The following TFEC variants were observed in gnomAD, a reference collection of about 807,000 sequenced individuals.
TFEC encodes transcription factor EC, also known as class E basic helix-loop-helix protein 34.
In TFEC, 31 loss-of-function variants were observed where a neutral mutation model predicts 41.6. That is an observed-to-expected ratio of 0.74 (90% confidence interval 0.56 to 1.01). The LOEUF is 1.01. Ranked by LOEUF, TFEC falls within the 50% of genes least tolerant of loss-of-function variation. The pLI, the probability that TFEC is intolerant of heterozygous loss-of-function variation, is 0.00. For synonymous variants in TFEC, 143 were observed against 140.6 expected, an observed-to-expected ratio of 1.02 and a Z score of -0.12; for missense variants, 402 against 404.1, an observed-to-expected ratio of 0.99 and a Z score of 0.04.
chr7:115,983,436 G>T (rs746259172), intron 2 of TFEC, among the ~76,000 whole-genome samples: 1 of 151,946 alleles, frequency 6.6e-6, no homozygotes, highest in Non-Finnish European at 1.5e-5. Flanking sequence ...GGTAAGCATT[G>T]ACCTGAAATC....
chr7:116,083,813 G>T (rs1797143923), intron 3 of TFEC, among the ~76,000 whole-genome samples: 1 of 151,802 alleles, frequency 6.6e-6, no homozygotes, highest in African/African-American at 2.4e-5. Context: ...TCAAAGAGTG[G>T]TTACCAACTA....
At chr7:115,994,501 A>T (rs988104243) in intron 1 of TFEC, among the ~76,000 whole-genome samples, 1 of 152,194 alleles carries the variant, frequency 6.6e-6, no homozygotes, top group South Asian at 2.1e-4. Flanking sequence ...AACTCACACA[A>T]ATTTACAAGA....
rs111618600 is a variant in TFEC at position 115,996,578 on chromosome 7, G to A, written c.-72-12065C>T. On this transcript the variant is annotated intron_variant, in intron 1 of 7. Transcript: ENST00000265440. ...GGAAGAGTAAAGAAGACTTTGTCTT[G>A]CATCTTAAGTAAAAGCTAGCCACAC... Among the ~76,000 whole-genome samples the A allele has an allele frequency of 4.3e-3, 648 of 152,040 alleles. 3 individuals are homozygous for A. Among genetic ancestry groups the A allele is most frequent in the Non-Finnish European group, 6.1e-3 (416 of 67,998 alleles).
intron 3 of TFEC, among the ~76,000 whole-genome samples, chr7:116,043,980 T>A (rs937565734): frequency 1.3e-5 from 2 of 152,158 alleles, no homozygotes; most frequent in African/African-American, 4.8e-5. Flanking sequence ...GCCTCTAGGA[T>A]TCAATTTATG....
At chr7:116,112,641 T>C (rs998580722) in intron 1 of TFEC, among the ~76,000 whole-genome samples, 27 of 151,988 alleles carry the variant, frequency 1.8e-4, no homozygotes, top group African/African-American at 5.6e-4. Context: ...TAATGTTTTC[T>C]ATGACAAACT....
At chr7:116,074,970 A>G (rs1796921713) in intron 3 of TFEC, among the ~76,000 whole-genome samples, 1 of 152,182 alleles carries the variant, frequency 6.6e-6, no homozygotes, top group Non-Finnish European at 1.5e-5. Context: ...GATACATGAC[A>G]TCCTATGGCT....
chr7:116,098,965 CAA>C (rs1797540476), intron 3 of TFEC, among the ~76,000 whole-genome samples: 1 of 151,754 alleles, frequency 6.6e-6, no homozygotes, highest in Non-Finnish European at 1.5e-5. Flanking sequence ...GATTTAGAAG[CAA>C]AAGTCTTCAG....
At chr7:116,140,193 T>C (rs546706567) in intron 1 of TFEC, among the ~76,000 whole-genome samples, 46 of 152,326 alleles carry the variant, frequency 3.0e-4, no homozygotes, top group African/African-American at 1.1e-3. Context: ...AGGATTGACT[T>C]TTGGAATCTA....
chr7:116,071,673 A>G (rs1368681544), intron 3 of TFEC, among the ~76,000 whole-genome samples: 1 of 151,378 alleles, frequency 6.6e-6, no homozygotes, highest in Admixed American at 6.6e-5. Context: ...AGATACAGTG[A>G]AAGAAATCCT....
chr7:116,132,138 G>A (rs548500017), intron 1 of TFEC, among the ~76,000 whole-genome samples: 1 of 152,268 alleles, frequency 6.6e-6, no homozygotes, highest in South Asian at 2.1e-4. Context: ...GTGATAAGAT[G>A]TACTGCAGAG....
At chr7:116,001,448 T>A (rs1794591161) in intron 1 of TFEC, among the ~76,000 whole-genome samples, 1 of 149,960 alleles carries the variant, frequency 6.7e-6, no homozygotes, top group African/African-American at 2.5e-5. Context: ...TGAGCCGAGA[T>A]CATGCCACTG....
At chr7:116,072,907 A>G (rs573394928) in intron 3 of TFEC, among the ~76,000 whole-genome samples, 1 of 151,668 alleles carries the variant, frequency 6.6e-6, no homozygotes, top group African/African-American at 2.4e-5. Flanking sequence ...CAGGAACAAT[A>G]CAAGGATACC....
intron 6 of TFEC, among the ~76,000 whole-genome samples, chr7:115,944,780 C>G (rs1791436891): frequency 6.6e-6 from 1 of 151,296 alleles, no homozygotes; most frequent in Non-Finnish European, 1.5e-5. Flanking sequence ...GCTTTCCCAC[C>G]TTTCAAATGC....
chr7:115,972,477 A>AG (rs1793178466), intron 3 of TFEC, among the ~76,000 whole-genome samples: 1 of 152,102 alleles, frequency 6.6e-6, no homozygotes, highest in Non-Finnish European at 1.5e-5. Flanking sequence ...GCCCTCTCTC[A>AG]GGTACAACTC....
At chr7:116,096,920 T>C (rs565809720) in intron 3 of TFEC, among the ~76,000 whole-genome samples, 5 of 152,022 alleles carry the variant, frequency 3.3e-5, no homozygotes, top group African/African-American at 1.2e-4. Flanking sequence ...TGAAACCCCA[T>C]CTCTACTAAA....
intron 3 of TFEC, among the ~76,000 whole-genome samples, chr7:116,098,867 AAAGGAAGGAAGGAAGGAAGGAAGGAAGG>A (rs59276209): frequency 0.026 from 3,034 of 115,102 alleles, 118 homozygotes; most frequent in African/African-American, 0.096. Flanking sequence ...GAGAGGAAGA[AAAGGAAGGAAGGAAGGAAGGAAGGAAGG>A]AAGGAAGGAA....
At chr7:116,150,895 G>A (rs530224525) in intron 1 of TFEC, among the ~76,000 whole-genome samples, 4 of 152,054 alleles carry the variant, frequency 2.6e-5, no homozygotes, top group Non-Finnish European at 4.4e-5. Flanking sequence ...GGCTTTATCC[G>A]GAATCAAAGT....
At chr7:116,039,599 A>G (rs1795987317) in intron 3 of TFEC, among the ~76,000 whole-genome samples, 1 of 152,062 alleles carries the variant, frequency 6.6e-6, no homozygotes, top group Admixed American at 6.6e-5. Flanking sequence ...ATTTTCTACA[A>G]GCAAACAGAA....
chr7:116,088,805 A>T (rs113213636), intron 3 of TFEC, among the ~76,000 whole-genome samples: 3,468 of 152,076 alleles, frequency 0.023, 134 homozygotes, highest in African/African-American at 0.078. Context: ...TATATATAAT[A>T]TACCCGCAGA....
Sources: allele counts gnomAD v4.1 joint callset (sites outside exome capture counted in the v4.1 genomes callset), GRCh38; gene constraint gnomAD v4.1.1; transcripts MANE v1.5; gene names NCBI Gene and HGNC (gene_info 2026-07-23, HGNC 2026-07-21).